Variants in ROBO2 observed in about 807,000 individuals in gnomAD.
ROBO2 encodes the protein roundabout guidance receptor 2.
ROBO2 carries 53 observed loss-of-function variants against 160.8 expected under a neutral mutation model. That is an observed-to-expected ratio of 0.33 (90% CI 0.26 to 0.41). The LOEUF is 0.41. ROBO2 is among the 10% of genes least tolerant of loss of function. ROBO2 has a pLI of 1.00. For missense variants in ROBO2, 1,577 were observed against 1,722.4 expected, an observed-to-expected ratio of 0.92 and a Z score of 1.49; for synonymous variants, 664 against 611.7, an observed-to-expected ratio of 1.09 and a Z score of -1.26.
chr3:76,529,970 C>A (rs1298004238), intron 2 of ROBO2, among the ~76,000 whole-genome samples: 1 of 152,142 alleles, frequency 6.6e-6, no homozygotes, highest in African/African-American at 2.4e-5. Flanking sequence ...CTGCTCACTT[C>A]CTCTCTCCTC....
At chr3:76,507,847 T>G (rs2080872407) in intron 2 of ROBO2, among the ~76,000 whole-genome samples, 1 of 152,130 alleles carries the variant, frequency 6.6e-6, no homozygotes, top group Admixed American at 6.5e-5. Flanking sequence ...CCTCTAGTTT[T>G]AGGAAAACAA....
At chr3:76,221,397 G>A (rs749404463) in intron 2 of ROBO2, among the ~76,000 whole-genome samples, 1 of 151,704 alleles carries the variant, frequency 6.6e-6, no homozygotes, top group Non-Finnish European at 1.5e-5. Context: ...CAGGGTGATG[G>A]TGAGCAGTGC....
At chr3:76,391,696 A>T (rs1258375580) in intron 2 of ROBO2, among the ~76,000 whole-genome samples, 1 of 152,070 alleles carries the variant, frequency 6.6e-6, no homozygotes, top group Non-Finnish European at 1.5e-5. Context: ...TTTTTAGTAG[A>T]GACGGGGTTT....
chr3:77,294,263 G>T (rs1297128798), intron 2 of ROBO2, among the ~76,000 whole-genome samples: 1 of 143,620 alleles, frequency 7.0e-6, no homozygotes, highest in Non-Finnish European at 1.5e-5. Flanking sequence ...ATGGTTAAAC[G>T]GGAAGTTGAG....
rs192104653 is a variant in ROBO2 at position 76,116,407 on chromosome 3, C to T, written c.109+178805C>T. ...AACATATGTAACTGTTCTAGTCACC[C>T]TGCTATACCATTTCTGCATGTAATT... On this transcript the variant is annotated intron_variant, in intron 2 of 26. Transcript: ENST00000487694. Among the ~76,000 whole-genome samples the T allele has an allele frequency of 2.0e-5, 3 of 152,236 alleles. No homozygotes were observed. The East Asian group carries it at 5.8e-4, about 29-fold the overall frequency.
chr3:76,118,481 G>C (rs2070574049), intron 2 of ROBO2, among the ~76,000 whole-genome samples: 1 of 152,056 alleles, frequency 6.6e-6, no homozygotes, highest in Admixed American at 6.6e-5. Context: ...AATGAGGGAG[G>C]GTTGATTAAC....
At chr3:77,258,641 GAA>G (rs5850319) in intron 2 of ROBO2, among the ~76,000 whole-genome samples, 6 of 147,768 alleles carry the variant, frequency 4.1e-5, no homozygotes, top group Middle Eastern at 3.3e-3. Flanking sequence ...AAAAAAGGAA[GAA>G]AAAAAAAGTC....
Position 76,767,444 on chromosome 3 carries a change from G to C in ROBO2, c.110-330570G>C, listed in dbSNP as rs147648122. Among the ~76,000 whole-genome samples the C allele has an allele frequency of 9.2e-5, 14 of 151,684 alleles. No individual in the cohort carries two copies. In the East Asian group the frequency reaches 2.7e-3, roughly 30 times the overall value. On this transcript the variant is annotated intron_variant, in intron 2 of 26. Coordinates refer to the ROBO2 transcript ENST00000487694. ...AAGAACGATTTAAAGTAGGCATCAT[G>C]TACATTGTAATTTACAATATGTGAA...
At chr3:76,631,771 G>T (rs898096078) in intron 2 of ROBO2, among the ~76,000 whole-genome samples, 1 of 152,128 alleles carries the variant, frequency 6.6e-6, no homozygotes, top group Admixed American at 6.6e-5. Context: ...TTGGTCGGTT[G>T]ATTAGCAATC....
intron 7 of ROBO2, among the ~76,000 whole-genome samples, chr3:77,550,162 T>C (rs1184184459): frequency 2.0e-5 from 3 of 152,004 alleles, no homozygotes; most frequent in Non-Finnish European, 4.4e-5. Context: ...TATGAAATTG[T>C]TTAAGGTAAC....
intron 2 of ROBO2, among the ~76,000 whole-genome samples, chr3:76,613,260 T>G (rs1490107674): frequency 6.6e-6 from 1 of 152,162 alleles, no homozygotes; most frequent in Non-Finnish European, 1.5e-5. Context: ...TGCTTTTTAT[T>G]TTTTGTGTCC....
chr3:77,453,858 A>G (rs1297686795), intron 2 of ROBO2, among the ~76,000 whole-genome samples: 2 of 152,176 alleles, frequency 1.3e-5, no homozygotes, highest in South Asian at 2.1e-4. Flanking sequence ...AAACCAAATA[A>G]CATATTGACC....
intron 2 of ROBO2, among the ~76,000 whole-genome samples, chr3:76,244,490 A>G (rs1386096824): frequency 6.6e-6 from 1 of 152,188 alleles, no homozygotes; most frequent in African/African-American, 2.4e-5. Flanking sequence ...AGAAAAATCA[A>G]TCAAGCCCCT....
chr3:77,286,288 C>T (rs534705763), intron 2 of ROBO2, among the ~76,000 whole-genome samples: 2 of 138,050 alleles, frequency 1.4e-5, no homozygotes, highest in East Asian at 2.2e-4. Flanking sequence ...GCTTGAGTCT[C>T]GCTCTATCAC....
chr3:76,714,242 C>G (rs1173478808), intron 2 of ROBO2, among the ~76,000 whole-genome samples: 1 of 152,058 alleles, frequency 6.6e-6, no homozygotes, highest in Non-Finnish European at 1.5e-5. Context: ...ATAATAAACT[C>G]TCTCCAGAAG....
At chr3:77,166,460 G>A (rs2079083935) in intron 2 of ROBO2, among the ~76,000 whole-genome samples, 1 of 152,000 alleles carries the variant, frequency 6.6e-6, no homozygotes, top group Non-Finnish European at 1.5e-5. Flanking sequence ...CATTGCCTTT[G>A]GCCCAATATC....
At chr3:76,369,344 C>T (rs1291780227) in intron 2 of ROBO2, among the ~76,000 whole-genome samples, 2 of 151,908 alleles carry the variant, frequency 1.3e-5, no homozygotes, top group Admixed American at 6.6e-5. Context: ...CTGGAGACTC[C>T]TCTTGCTTTG....
chr3:77,481,888 G>A (rs1180014640), intron 4 of ROBO2, among the ~76,000 whole-genome samples: 1 of 152,074 alleles, frequency 6.6e-6, no homozygotes, highest in East Asian at 1.9e-4. Context: ...AATAAAGATG[G>A]CCGAGGAAAC....
chr3:76,794,717 G>A (rs2108770080), intron 2 of ROBO2, among the ~76,000 whole-genome samples: 1 of 152,014 alleles, frequency 6.6e-6, no homozygotes, highest in South Asian at 2.1e-4. Context: ...GACAATTCTG[G>A]TGTCGATCTA....
Sources: allele counts gnomAD v4.1 joint callset (sites outside exome capture counted in the v4.1 genomes callset), GRCh38; gene constraint gnomAD v4.1.1; transcripts MANE v1.5; gene names NCBI Gene and HGNC (gene_info 2026-07-23, HGNC 2026-07-21).